The following PCDH11Y variants were observed in gnomAD, a reference collection of about 807,000 sequenced individuals.
PCDH11Y encodes protocadherin 11 Y-linked.
For missense variants in PCDH11Y, 12 were observed against 224.8 expected, an observed-to-expected ratio of 0.05 and a Z score of 6.05; for synonymous variants, 9 against 83.6, an observed-to-expected ratio of 0.11 and a Z score of 4.87.
At chrY:5,205,661 AATATATAT>A (rs1404714318) in intron 2 of PCDH11Y, among the ~76,000 whole-genome samples, 1 of 23,307 alleles carries the variant, frequency 4.3e-5, no homozygotes, top group Admixed American at 4.8e-4. Context: ...TGAATATATA[AATATATAT>A]ATATATATAT....
At chrY:5,086,986 G>T in intron 1 of PCDH11Y, among the ~76,000 whole-genome samples, 1 of 33,591 alleles carries the variant, frequency 3.0e-5, no homozygotes, top group Non-Finnish European at 7.4e-5. Context: ...TCATTTCAGG[G>T]TAACAAGGTC....
chrY:5,320,151 T>C (rs2124665651), intron 2 of PCDH11Y, among the ~76,000 whole-genome samples: 1 of 33,338 alleles, frequency 3.0e-5, no homozygotes, highest in Non-Finnish European at 7.4e-5. Flanking sequence ...AAATTAAGCC[T>C]ACTTCAAAGC....
intron 2 of PCDH11Y, among the ~76,000 whole-genome samples, chrY:5,298,861 C>A: frequency 6.1e-5 from 2 of 32,677 alleles, no homozygotes; most frequent in Non-Finnish European, 1.5e-4. Context: ...TGGAAAAGTA[C>A]AAAAACGATG....
chrY:5,511,546 T>TA, intron 3 of PCDH11Y, among the ~76,000 whole-genome samples: 1 of 32,311 alleles, frequency 3.1e-5, no homozygotes, highest in Non-Finnish European at 7.6e-5. Context: ...TGTGGCTAAG[T>TA]AAAAAAACCT....
At chrY:5,287,764 G>A (rs2053062015) in intron 2 of PCDH11Y, among the ~76,000 whole-genome samples, 1 of 31,308 alleles carries the variant, frequency 3.2e-5, no homozygotes, top group Non-Finnish European at 7.7e-5. Context: ...CAGGCCTGTC[G>A]GTGGGTAGGG....
chrY:5,293,248 G>A (rs2124662186), intron 2 of PCDH11Y, among the ~76,000 whole-genome samples: 4 of 31,161 alleles, frequency 1.3e-4, no homozygotes, highest in South Asian at 7.5e-4. Context: ...TCCAGCCTCC[G>A]TCTCCCAAGT....
At chrY:5,512,730 A>G in intron 3 of PCDH11Y, among the ~76,000 whole-genome samples, 1 of 32,432 alleles carries the variant, frequency 3.1e-5, no homozygotes, top group African/African-American at 1.2e-4. Context: ...AGAGCAGAGC[A>G]GCAATTGGCC....
intron 1 of PCDH11Y, among the ~76,000 whole-genome samples, chrY:5,090,684 T>G (rs2052739204): frequency 3.0e-5 from 1 of 33,036 alleles, no homozygotes; most frequent in African/African-American, 1.2e-4. Flanking sequence ...CTGATAAGTT[T>G]CTCATACTGA....
intron 3 of PCDH11Y, among the ~76,000 whole-genome samples, chrY:5,559,710 G>A: frequency 3.0e-5 from 1 of 32,788 alleles, no homozygotes; most frequent in African/African-American, 1.2e-4. Flanking sequence ...ATCCCTATAC[G>A]ATGTGACTTG....
At chrY:5,505,070 GT>G (rs2053357828) in intron 3 of PCDH11Y, among the ~76,000 whole-genome samples, 1 of 32,776 alleles carries the variant, frequency 3.1e-5, no homozygotes, top group African/African-American at 1.2e-4. Flanking sequence ...CTACAGGTAA[GT>G]TGGATCTAAA....
chrY:5,121,574 G>T, intron 2 of PCDH11Y, among the ~76,000 whole-genome samples: 9 of 32,971 alleles, frequency 2.7e-4, no homozygotes, highest in Non-Finnish European at 7.4e-5. Context: ...ACAGACACAT[G>T]CAGGAACAAT....
intron 2 of PCDH11Y, among the ~76,000 whole-genome samples, chrY:5,277,705 A>C: frequency 3.0e-5 from 1 of 33,472 alleles, no homozygotes; most frequent in African/African-American, 1.2e-4. Flanking sequence ...TTATCATATA[A>C]ATTTAGAAAC....
intron 2 of PCDH11Y, among the ~76,000 whole-genome samples, chrY:5,343,135 A>C: frequency 3.0e-5 from 1 of 33,459 alleles, no homozygotes; most frequent in Non-Finnish European, 7.4e-5. Context: ...GAGTATAAAC[A>C]CGTATCTTTT....
At chrY:5,715,369 T>C (rs2053589322) in intron 4 of PCDH11Y, among the ~76,000 whole-genome samples, 1 of 33,001 alleles carries the variant, frequency 3.0e-5, no homozygotes, top group African/African-American at 1.2e-4. Context: ...AGAGTAGTCA[T>C]TGCTGTTTTT....
intron 2 of PCDH11Y, among the ~76,000 whole-genome samples, chrY:5,385,332 G>A (rs2053212696): frequency 3.4e-5 from 1 of 29,528 alleles, no homozygotes; most frequent in Non-Finnish European, 8.0e-5. Context: ...AAAGTCCGCT[G>A]CATTATTCTT....
intron 2 of PCDH11Y, among the ~76,000 whole-genome samples, chrY:5,248,141 C>T: frequency 3.3e-5 from 1 of 29,944 alleles, no homozygotes; most frequent in African/African-American, 1.3e-4. Flanking sequence ...TGAATTCTAC[C>T]AGAGTTACAA....
chrY:5,353,159 C>T (rs1312475281), intron 2 of PCDH11Y, among the ~76,000 whole-genome samples: 2 of 30,455 alleles, frequency 6.6e-5, no homozygotes, highest in Non-Finnish European at 7.8e-5. Context: ...TGCGCCACCA[C>T]GCCTGGCTAA....
intron 2 of PCDH11Y, among the ~76,000 whole-genome samples, chrY:5,312,155 C>T: frequency 3.0e-5 from 1 of 32,958 alleles, no homozygotes; most frequent in Admixed American, 2.9e-4. Context: ...CGAAACAGTG[C>T]TGGATGAATG....
At chrY:5,670,902 A>G in intron 4 of PCDH11Y, among the ~76,000 whole-genome samples, 1 of 32,865 alleles carries the variant, frequency 3.0e-5, no homozygotes, top group Non-Finnish European at 7.6e-5. Context: ...GTAGGTTCAT[A>G]GTTTGAAGTC....
Sources: gnomAD v4.1 joint callset for allele counts (sites outside exome capture counted in the v4.1 genomes callset) on GRCh38, gnomAD v4.1.1 for gene constraint, MANE v1.5 for transcripts, NCBI Gene and HGNC (gene_info 2026-07-23, HGNC 2026-07-21) for gene names.